The following IL16 variants were observed in gnomAD, a reference collection of about 807,000 sequenced individuals.
IL16 encodes the protein pro-interleukin-16.
A neutral mutation model predicts 110.1 loss-of-function variants in IL16; 67 were observed. The observed-to-expected ratio is 0.61, with a 90% CI of 0.50 to 0.75. The LOEUF is 0.75. IL16 is among the 30% of genes least tolerant of loss of function. IL16 has a pLI of 0.00. For synonymous variants in IL16, 689 were observed against 662.9 expected (o/e 1.04, Z -0.61); for missense variants, 1,545 against 1,655.0 (o/e 0.93, Z 1.15).
chr15:81,221,175 A>G lies in IL16; in HGVS notation c.-101-4124A>G, dbSNP rs981112191. 1.3e-4 allele frequency among the ~76,000 whole-genome samples: 20 copies of G among 152,090 alleles called. 1 individual carries two copies. Among genetic ancestry groups the G allele is most frequent in the Non-Finnish European group, 1.3e-4 (9 of 67,994 alleles). On this transcript the variant is annotated intron_variant, in intron 1 of 18. Transcript: ENST00000683961. ...TGTGGGGAAGCCTCCAGGGAGTTGGAGAGCAGTTTTCTAGGGAGCTGCAGA... is the reference window on the plus strand; with the variant it reads ...TGTGGGGAAGCCTCCAGGGAGTTGGGGAGCAGTTTTCTAGGGAGCTGCAGA...
chr15:81,253,667 C>G (rs1897846357), intron 2 of IL16, among the ~76,000 whole-genome samples: 1 of 152,164 alleles, frequency 6.6e-6, no homozygotes, highest in African/African-American at 2.4e-5. Context: ...CAGCTTCACT[C>G]TTTTGCATGT....
chr15:81,202,101 A>C (rs1331912021), intron 1 of IL16, among the ~76,000 whole-genome samples: 1 of 152,250 alleles, frequency 6.6e-6, no homozygotes, highest in Non-Finnish European at 1.5e-5. Flanking sequence ...GCCAGAGAAC[A>C]CCTTTAAACA....
rs76799143 is a variant in IL16, at chr15:81,298,391, G to A, written c.2054-989G>A. The stretch of plus-strand genomic sequence containing the variant: ...AGCCTCCCTCTGCCCCTGGGAAAGA[G>A]AGCCAGGACACCCTCTCCCTTACCC... On this transcript the variant is annotated intron_variant, in intron 13 of 18. Coordinates refer to ENST00000683961, the MANE Select transcript of IL16 (RefSeq NM_172217.5). Among the ~76,000 whole-genome samples, 1,076 of 152,310 alleles carry A rather than the reference G, an allele frequency of 7.1e-3. 9 individuals carry two copies. The highest frequency in any genetic ancestry group is 0.024 in the African/African-American group (1,010 of 41,560).
At chr15:81,308,495 G>GTGCC in intron 18 of IL16, 110 bp from the exon 19 acceptor site, 1 of 755,838 alleles carries the variant, frequency 1.3e-6, no homozygotes, top group Non-Finnish European at 2.2e-6. Flanking sequence ...CCAAGGGATG[G>GTGCC]TGCCCTGTTC....
Position 81,273,283 on chromosome 15 carries a change from T to C in IL16, c.790+79T>C, listed in dbSNP as rs1035294195. 4 of 1,058,666 alleles carry C rather than the reference T, an allele frequency of 3.8e-6. No homozygotes were observed. In the African/African-American group the frequency reaches 4.8e-5, roughly 13 times the overall value. The allele number at this position is 1,058,666 out of a possible 1,614,324, so 65.6% of individuals were successfully genotyped here. ...AGAATTGCTGGGGCCATAGAAGATG[T>C]TGGGAATGCAAAATGTGTCTTGAGT... On this transcript the variant is annotated intron_variant, in intron 6 of 18. Coordinates refer to ENST00000683961, the MANE Select transcript of IL16 (RefSeq NM_172217.5).
At chr15:81,282,941 C>T (rs1899254920) in intron 9 of IL16, among the ~76,000 whole-genome samples, 185 bp downstream of exon 9, 1 of 152,202 alleles carries the variant, frequency 6.6e-6, no homozygotes, top group African/African-American at 2.4e-5. Context: ...AGGCCTCCTT[C>T]CTGCCCCCCA....
chr15:81,218,651 C>A (rs1896514697), intron 1 of IL16, among the ~76,000 whole-genome samples: 1 of 152,112 alleles, frequency 6.6e-6, no homozygotes. Context: ...AAATATCATC[C>A]CCCAGCACCT....
chr15:81,268,708 A>C (rs1898501609), intron 4 of IL16, among the ~76,000 whole-genome samples: 1 of 152,282 alleles, frequency 6.6e-6, no homozygotes, highest in Non-Finnish European at 1.5e-5. Context: ...TTAAATGCTG[A>C]AAGTAGCAAA....
chr15:81,295,370 T>C (rs1452732029), intron 12 of IL16: 13 of 1,246,002 alleles, frequency 1.0e-5, no homozygotes, highest in Non-Finnish European at 1.0e-5. Flanking sequence ...GGATGCAATA[T>C]TGGATGTGTT....
intron 1 of IL16, among the ~76,000 whole-genome samples, chr15:81,204,767 A>G (rs1447904719): frequency 2.6e-5 from 3 of 115,030 alleles, no homozygotes; most frequent in East Asian, 5.1e-4. Context: ...AAAAAGAAAA[A>G]AAAGAAAATT....
Position 81,309,867 on chromosome 15 carries a change from A to G in IL16, c.*1069A>G, listed in dbSNP as rs1900765565. The G allele has an allele frequency of 6.6e-6, 1 of 152,250 alleles. No individual in the cohort carries two copies. Among genetic ancestry groups the G allele is most frequent in the Non-Finnish European group, 1.5e-5 (1 of 68,054 alleles). 9.4% of individuals were successfully genotyped at this position (152,250 alleles called of 1,614,324 possible). ...TGTATGGTTCTGTGCCAATGTATTGATAAGAGGGCACACACTGTGTACAGT... is the reference window on the plus strand; with the variant it reads ...TGTATGGTTCTGTGCCAATGTATTGGTAAGAGGGCACACACTGTGTACAGT... On this transcript the variant is annotated 3_prime_UTR_variant, in exon 19 of 19. Coordinates refer to ENST00000683961, the MANE Select transcript of IL16 (RefSeq NM_172217.5).
At chr15:81,206,022 G>T (rs1000010753) in intron 1 of IL16, among the ~76,000 whole-genome samples, 1 of 152,168 alleles carries the variant, frequency 6.6e-6, no homozygotes, top group Non-Finnish European at 1.5e-5. Context: ...AAAAAAATTA[G>T]AGATATACTC....
At chr15:81,271,199 T>A (rs1181716349) in intron 5 of IL16, among the ~76,000 whole-genome samples, 3 of 151,958 alleles carry the variant, frequency 2.0e-5, no homozygotes, top group African/African-American at 7.3e-5. Flanking sequence ...GGCCTCCTGT[T>A]TGAGTCCTGG....
rs1345648968 is a variant in IL16 at position 81,309,611 on chromosome 15, T to C, written c.*813T>C. On this transcript the variant is annotated 3_prime_UTR_variant, in exon 19 of 19. Coordinates refer to ENST00000683961, the MANE Select transcript of IL16 (RefSeq NM_172217.5). ...TTTGTCACATGAAACATTTGCAAAA[T>C]TGTTTTTGGTTGGATTGGAGAAGTA... The C allele has an allele frequency of 6.6e-6, 1 of 152,152 alleles. No individual in the cohort carries two copies. Among genetic ancestry groups the C allele is most frequent in the East Asian group, 1.9e-4 (1 of 5,198 alleles). The allele number at this position is 152,152 out of a possible 1,614,324, so 9.4% of individuals were successfully genotyped here. A position where few individuals can be genotyped will look rare whatever the true frequency, so the allele number is the denominator to read the frequency against.
intron 1 of IL16, among the ~76,000 whole-genome samples, chr15:81,197,896 C>A (rs1353397750): frequency 6.6e-6 from 1 of 152,012 alleles, no homozygotes; most frequent in Non-Finnish European, 1.5e-5. Flanking sequence ...AAGACGACCC[C>A]TTTGTCCCAG....
intron 11 of IL16, among the ~76,000 whole-genome samples, chr15:81,291,728 G>A (rs1899725927): frequency 6.6e-6 from 1 of 152,180 alleles, no homozygotes; most frequent in Non-Finnish European, 1.5e-5. Context: ...ACCAGGAAGG[G>A]CTAATGGGGA....
intron 1 of IL16, among the ~76,000 whole-genome samples, chr15:81,200,392 CAG>C (rs1895765596): frequency 6.6e-6 from 1 of 151,546 alleles, no homozygotes; most frequent in South Asian, 2.1e-4. Context: ...TTTTTTGAAA[CAG>C]GGTCTCACTC....
At position 81,309,731 on chromosome 15, in the gene IL16, C is replaced by G. The variant is rs1596064474; in HGVS notation, c.*933C>G. The G allele has an allele frequency of 6.6e-6, 1 of 152,214 alleles. No homozygotes were observed. Among genetic ancestry groups the G allele is most frequent in the Non-Finnish European group, 1.5e-5 (1 of 68,056 alleles). 9.4% of individuals were successfully genotyped at this position (152,214 alleles called of 1,614,324 possible). A position where few individuals can be genotyped will look rare whatever the true frequency, so the allele number is the denominator to read the frequency against. ...CAGGTGTGCCGACAGAAGGAACCAG[C>G]GTGTATATGAGGGTATCAAATAAAA... On this transcript the variant is annotated 3_prime_UTR_variant, in exon 19 of 19. Transcript: ENST00000683961.
chr15:81,189,749 A>G (rs1459667550), intron 1 of IL16, among the ~76,000 whole-genome samples: 1 of 152,198 alleles, frequency 6.6e-6, no homozygotes, highest in Non-Finnish European at 1.5e-5. Context: ...AGGTGGAAGG[A>G]TGCACGAAGC....
Sources: gnomAD v4.1 joint callset for allele counts (sites outside exome capture counted in the v4.1 genomes callset) on GRCh38, gnomAD v4.1.1 for gene constraint, MANE v1.5 for transcripts, NCBI Gene and HGNC (gene_info 2026-07-23, HGNC 2026-07-21) for gene names.